Variants in TMEM121B observed in about 807,000 individuals in gnomAD.
TMEM121B encodes the protein cat eye syndrome chromosome region, candidate 6.
In TMEM121B, 14 loss-of-function variants were observed where a neutral mutation model predicts 25.1. The ratio of observed to expected loss-of-function variants is 0.56; its 90% CI spans 0.37 to 0.87. The LOEUF (loss-of-function observed/expected upper bound fraction) is 0.87. Among genes scored for constraint, TMEM121B ranks in the 40% least tolerant of loss-of-function variants. The pLI, the probability that TMEM121B is intolerant of heterozygous loss-of-function variation, is 0.00. For synonymous variants in TMEM121B, 458 were observed against 420.9 expected (o/e 1.09, Z -1.08); for missense variants, 850 against 854.6 (o/e 0.99, Z 0.07).
rs2061479504 is a variant in TMEM121B at position 17,118,391 on chromosome 22, G to T, written c.*1000C>A. 1 of 152,428 alleles carries T rather than the reference G, an allele frequency of 6.6e-6. No homozygotes were observed. The highest frequency in any genetic ancestry group is 2.4e-5 in the African/African-American group (1 of 41,444). The allele number at this position is 152,428 out of a possible 1,614,324, so 9.4% of individuals were successfully genotyped here. A position where few individuals can be genotyped will look rare whatever the true frequency, so the allele number is the denominator to read the frequency against. The stretch of plus-strand genomic sequence containing the variant: ...TTACTCTAAGCCCAGATCCGACCCA[G>T]TCGGCACCAAACCACAGGAAGGATA... On this transcript the variant is annotated 3_prime_UTR_variant, in exon 1 of 1. Transcript: ENST00000331437.
In TMEM121B at chr22:17,120,467, C is replaced by A; in HGVS notation, c.661G>T (p.Ala221Ser). The A allele has an allele frequency of 6.3e-7, 1 of 1,585,850 alleles. No homozygotes were observed. Among genetic ancestry groups the A allele is most frequent in the Non-Finnish European group, 8.5e-7 (1 of 1,169,824 alleles). Residue 221 changes from alanine (A) to serine (S), a missense_variant, in exon 1 of 1, where the codon GCC (alanine) becomes TCC (serine). Ala to Ser is a moderately conservative substitution (Grantham distance 99, BLOSUM62 1). Transcript: ENST00000331437. ...GAGCACCAGTACAGGTCGGTGACGGCGATGAGGTACAGGTCCAGCAGGCCG... is the reference window on the plus strand; with the variant it reads ...GAGCACCAGTACAGGTCGGTGACGGAGATGAGGTACAGGTCCAGCAGGCCG... Reference protein sequence around the residue: ...QGGLLDLYLIAVTDLYWCSWI... With the variant: ...QGGLLDLYLISVTDLYWCSWI...
chr22:17,121,129 G>T lies in TMEM121B; in HGVS notation c.-2C>A. On this transcript the variant is annotated 5_prime_UTR_variant, in exon 1 of 1. Coordinates refer to ENST00000331437, the MANE Select transcript of TMEM121B (RefSeq NM_031890.4). ...AGGGTGGCCGAGCGCCGGGCGCATT[G>T]TCCTCCGAGGGGCTCTGGGGCCGCC... 3.7e-6 allele frequency: 5 copies of T among 1,350,016 alleles called. No individual in the cohort carries two copies. Among genetic ancestry groups the T allele is most frequent in the East Asian group, 3.1e-5 (1 of 31,858 alleles). The allele number at this position is 1,350,016 out of a possible 1,614,324, so 83.6% of individuals were successfully genotyped here. A position where few individuals can be genotyped will look rare whatever the true frequency, so the allele number is the denominator to read the frequency against.
Position 17,120,790 on chromosome 22 carries a change from A to T in TMEM121B, c.338T>A (p.Phe113Tyr). ...GGAGGAGGTGGCCGCTGAGGAGGAG[A>T]AGGCGACAGGCGCGGGGCCGGCGGG... ...GAPAGPAPVA[F>Y]SSSAATSSST... Residue 113 changes from phenylalanine (F) to tyrosine (Y), a missense_variant, in exon 1 of 1, where the codon TTC (phenylalanine) becomes TAC (tyrosine). Transcript: ENST00000331437. The T allele has an allele frequency of 8.2e-7, 1 of 1,220,296 alleles. No individual in the cohort carries two copies. The highest frequency in any genetic ancestry group is 4.4e-5 in the Admixed American group (1 of 22,548). The allele number at this position is 1,220,296 out of a possible 1,614,324, so 75.6% of individuals were successfully genotyped here. A position where few individuals can be genotyped will look rare whatever the true frequency, so the allele number is the denominator to read the frequency against.
Position 17,119,759 on chromosome 22 carries a change from C to A in TMEM121B, c.1369G>T (p.Gly457Cys). The A allele has an allele frequency of 6.4e-7, 1 of 1,560,644 alleles. No individual in the cohort carries two copies. Among genetic ancestry groups the A allele is most frequent in the East Asian group, 2.3e-5 (1 of 42,920 alleles). Residue 457 changes from glycine to cysteine, a missense_variant, in exon 1 of 1, where the codon GGC becomes TGC. Gly to Cys is a radical substitution (Grantham distance 159). Coordinates refer to ENST00000331437, the MANE Select transcript of TMEM121B (RefSeq NM_031890.4). ...CAGCTGCCAGGCCCGGAGGCCTGGC[C>A]CCAGGATGCAGCCGCTGCGGCCGCG... ...NAAAAAAASW[G>C]QASGPGSCSR...
chr22:17,118,029 T>C lies in TMEM121B; in HGVS notation c.*1362A>G, dbSNP rs2061477842. On this transcript the variant is annotated 3_prime_UTR_variant, in exon 1 of 1. Transcript: ENST00000331437. ...TGTTGAGGGTGGAGGGAAGTGAGTA[T>C]TTCCTGGCCTTGTTAGCTGCTGTCC... is the stretch of plus-strand genomic sequence containing the variant. 2.0e-5 allele frequency: 3 copies of C among 152,138 alleles called. No homozygotes were observed. The highest frequency in any genetic ancestry group is 4.1e-4 in the South Asian group (2 of 4,828). The allele number at this position is 152,138 out of a possible 1,614,324, so 9.4% of individuals were successfully genotyped here. A position where few individuals can be genotyped will look rare whatever the true frequency, so the allele number is the denominator to read the frequency against.
At position 17,119,399 on chromosome 22, in the gene TMEM121B, G is replaced by A. The variant is rs2061484126; in HGVS notation, c.1729C>T (p.Gln577Ter). ...ACCCGTGCCCTTCACCCTCAATTCT[G>A]AGAGGCCACAGCCAGGGTGTTGACA... ...GYVNTLAVAS[Q>*]N Residue 577 changes from glutamine to a stop codon, truncating the protein, a stop_gained, in exon 1 of 1, where the codon CAG becomes TAG. Transcript: ENST00000331437. LOFTEE classifies it high-confidence loss of function. 1.3e-6 allele frequency: 2 copies of A among 1,598,382 alleles called. No individual in the cohort carries two copies. The highest frequency in any genetic ancestry group is 1.7e-6 in the Non-Finnish European group (2 of 1,172,872).
chr22:17,119,862 C>G lies in TMEM121B; in HGVS notation c.1266G>C (p.Ala422=), dbSNP rs1275914455. The change falls in exon 1 of 1, where the codon GCG becomes GCC. Residue 422 remains alanine, a synonymous_variant. Transcript: ENST00000331437. ...LMLEGRVPLP[A]HLRYLLIAVY... ...CGGCGATAAGCAGGTAGCGCAGGTG[C>G]GCGGGCAGCGGCACGCGGCCCTCCA... 6.3e-7 allele frequency: 1 copy of G among 1,577,348 alleles called. No homozygotes were observed. The highest frequency in any genetic ancestry group is 1.3e-5 in the African/African-American group (1 of 74,680).
Position 17,119,712 on chromosome 22 carries a change from C to G in TMEM121B, c.1416G>C (p.Leu472=), listed in dbSNP as rs1486415138. The G allele has an allele frequency of 6.5e-7, 1 of 1,542,444 alleles. No individual in the cohort carries two copies. Among genetic ancestry groups the G allele is most frequent in the Admixed American group, 1.9e-5 (1 of 51,408 alleles). The change falls in exon 1 of 1, where the codon CTG becomes CTC. Residue 472 remains leucine, a synonymous_variant. Transcript: ENST00000331437. ...PGSCSRLLRL[L]GGCLVDVPLL... ...AGGGCACGTCCACCAGGCAGCCGCC[C>G]AGCAGGCGCAGAAGGCGGCTGCAGC...
Position 17,120,392 on chromosome 22 carries a change from C to A in TMEM121B, c.736G>T (p.Ala246Ser). Residue 246 changes from alanine to serine, a missense_variant, in exon 1 of 1, where the codon GCC (alanine) becomes TCC (serine). Physicochemically the swap from Ala to Ser is moderately conservative, Grantham distance 99. Coordinates refer to ENST00000331437, the MANE Select transcript of TMEM121B (RefSeq NM_031890.4). The part of the protein sequence containing the change: ...VVVVGWAIFF[A>S]KNSRGRRGGA... Reference sequence around the variant, plus strand: ...CCCCGACGGCCCCGGCTGTTCTTGGCGAAGAAGATGGCCCAGCCCACCACC... The same window carrying A: ...CCCCGACGGCCCCGGCTGTTCTTGGAGAAGAAGATGGCCCAGCCCACCACC... 6 of 1,560,568 alleles carry A rather than the reference C, an allele frequency of 3.8e-6. No individual in the cohort carries two copies. The highest frequency in any genetic ancestry group is 5.2e-6 in the Non-Finnish European group (6 of 1,160,414).
rs538989257 is a variant in TMEM121B, at chr22:17,120,156, G to A, written c.972C>T (p.Ala324=). The A allele has an allele frequency of 3.9e-4, 620 of 1,609,548 alleles. 13 individuals carry two copies. In the South Asian group the frequency reaches 5.6e-3, roughly 15 times the overall value. The change falls in exon 1 of 1, where the codon GCC becomes GCT. Residue 324 remains alanine, a synonymous_variant. Coordinates refer to ENST00000331437, the MANE Select transcript of TMEM121B (RefSeq NM_031890.4). ...AYLAWLIYSI[A]FTPKVVLILG... ...GGATCAGCACCACCTTGGGAGTGAA[G>A]GCGATGGAGTAGATAAGCCAGGCCA... is the stretch of plus-strand genomic sequence containing the variant.
Position 17,117,994 on chromosome 22 carries a change from C to G in TMEM121B, c.*1397G>C, listed in dbSNP as rs1282118652. On this transcript the variant is annotated 3_prime_UTR_variant, in exon 1 of 1. Coordinates refer to ENST00000331437, the MANE Select transcript of TMEM121B (RefSeq NM_031890.4). ...ACAAAAATTCTTCAAGTTTCACCCCCACCACATCCTGTTGAGGGTGGAGGG... is the reference window on the plus strand; with the variant it reads ...ACAAAAATTCTTCAAGTTTCACCCCGACCACATCCTGTTGAGGGTGGAGGG... The G allele has an allele frequency of 2.0e-5, 3 of 152,164 alleles. No individual in the cohort carries two copies. Among genetic ancestry groups the G allele is most frequent in the Non-Finnish European group, 4.4e-5 (3 of 68,018 alleles). 9.4% of individuals were successfully genotyped at this position (152,164 alleles called of 1,614,324 possible). A position where few individuals can be genotyped will look rare whatever the true frequency, so the allele number is the denominator to read the frequency against.
chr22:17,117,804 A>C lies in TMEM121B; in HGVS notation c.*1587T>G, dbSNP rs755388018. ...CTTCAACCTTAGAGATCACTCATCTAACTTCTACTTTTTTAATGTGAGAAA... is the reference window on the plus strand; with the variant it reads ...CTTCAACCTTAGAGATCACTCATCTCACTTCTACTTTTTTAATGTGAGAAA... On this transcript the variant is annotated 3_prime_UTR_variant, in exon 1 of 1. Coordinates refer to ENST00000331437, the MANE Select transcript of TMEM121B (RefSeq NM_031890.4). 3.3e-5 allele frequency: 5 copies of C among 152,208 alleles called. No homozygotes were observed. Among genetic ancestry groups the C allele is most frequent in the Non-Finnish European group, 7.3e-5 (5 of 68,032 alleles). The allele number at this position is 152,208 out of a possible 1,614,324, so 9.4% of individuals were successfully genotyped here.
chr22:17,119,971 T>A lies in TMEM121B; in HGVS notation c.1157A>T (p.Gln386Leu). ...TCCGGCCGCGCGGTGCCGCTGGGGCTGCAGCAGCAGGGGTCCTGCCGATCC... is the reference window on the plus strand; with the variant it reads ...TCCGGCCGCGCGGTGCCGCTGGGGCAGCAGCAGCAGGGGTCCTGCCGATCC... ...PPGSAGPLLLQPQRHRAAGCF... is the reference protein window; with the variant it reads ...PPGSAGPLLLLPQRHRAAGCF... The change falls in exon 1 of 1, where the codon CAG becomes CTG. Residue 386 changes from glutamine (Q) to leucine (L), a missense_variant. Gln to Leu is a moderately radical substitution (Grantham distance 113). Coordinates refer to ENST00000331437, the MANE Select transcript of TMEM121B (RefSeq NM_031890.4). 2 of 1,587,194 alleles carry A rather than the reference T, an allele frequency of 1.3e-6. No homozygotes were observed. The highest frequency in any genetic ancestry group is 1.1e-5 in the South Asian group (1 of 89,518).
At position 17,121,300 on chromosome 22, in the gene TMEM121B, A is replaced by AGCCGG. The variant is rs1601361808; in HGVS notation, c.-178_-174dup. On this transcript the variant is annotated 5_prime_UTR_variant, in exon 1 of 1. Transcript: ENST00000331437. ...CGGACTGGAGCCACTGGACTGGGCG[A>AGCCGG]GCCGGGCCGGGCGGCAGGGAGAGGG... 2.2e-6 allele frequency: 1 copy of AGCCGG among 454,836 alleles called. No individual in the cohort carries two copies. The highest frequency in any genetic ancestry group is 3.2e-6 in the Non-Finnish European group (1 of 314,448). 28.2% of individuals were successfully genotyped at this position (454,836 alleles called of 1,614,324 possible). A position where few individuals can be genotyped will look rare whatever the true frequency, so the allele number is the denominator to read the frequency against.
chr22:17,119,601 G>A lies in TMEM121B; in HGVS notation c.1527C>T (p.Cys509=). The change falls in exon 1 of 1, where the codon TGC becomes TGT. Residue 509 remains cysteine, a synonymous_variant. Transcript: ENST00000331437. ...AGCCCTCCAGGGCCTCCAGGCCCCG[G>A]CAGCCGAGGAAGAAGAGGTTCTTGA... ...FMLKNLFFLG[C]RGLEALEGCW... is the part of the protein sequence containing the mutation. 6.5e-7 allele frequency: 1 copy of A among 1,544,736 alleles called. No individual in the cohort carries two copies. Among genetic ancestry groups the A allele is most frequent in the Non-Finnish European group, 8.7e-7 (1 of 1,148,544 alleles).
Position 17,117,346 on chromosome 22 carries a change from A to T in TMEM121B, c.*2045T>A, listed in dbSNP as rs1241599151. 2 of 152,764 alleles carry T rather than the reference A, an allele frequency of 1.3e-5. No homozygotes were observed. The highest frequency in any genetic ancestry group is 2.9e-5 in the Non-Finnish European group (2 of 68,108). 9.5% of individuals were successfully genotyped at this position (152,764 alleles called of 1,614,324 possible). ...GAAGCACAGATTGTGCATGGAGTGT[A>T]AACATTTTCCCCCGCTGTTCCCTGC... On this transcript the variant is annotated 3_prime_UTR_variant, in exon 1 of 1. Transcript: ENST00000331437.
Position 17,120,889 on chromosome 22 carries a change from T to A in TMEM121B, c.239A>T (p.Asp80Val). 1 of 1,389,914 alleles carries A rather than the reference T, an allele frequency of 7.2e-7. No homozygotes were observed. The highest frequency in any genetic ancestry group is 9.3e-7 in the Non-Finnish European group (1 of 1,072,830). The allele number at this position is 1,389,914 out of a possible 1,614,324, so 86.1% of individuals were successfully genotyped here. Reference protein sequence around the residue: ...SSTGAEREDDDESLSVSKPLV... With the variant: ...SSTGAEREDDVESLSVSKPLV... The stretch of plus-strand genomic sequence containing the variant: ...CGGCTTGCTGACGCTGAGGCTCTCG[T>A]CGTCGTCCTCGCGCTCGGCGCCCGT... The change falls in exon 1 of 1, where the codon GAC (aspartate) becomes GTC (valine). Residue 80 changes from aspartate (D) to valine (V), a missense_variant. By Grantham distance (152) the Asp-to-Val change is radical (BLOSUM62 -3). Coordinates refer to ENST00000331437, the MANE Select transcript of TMEM121B (RefSeq NM_031890.4).
chr22:17,120,789 G>A lies in TMEM121B; in HGVS notation c.339C>T (p.Phe113=). 2 of 1,237,150 alleles carry A rather than the reference G, an allele frequency of 1.6e-6. No individual in the cohort carries two copies. Among genetic ancestry groups the A allele is most frequent in the Admixed American group, 4.3e-5 (1 of 23,170 alleles). The allele number at this position is 1,237,150 out of a possible 1,614,324, so 76.6% of individuals were successfully genotyped here. A position where few individuals can be genotyped will look rare whatever the true frequency, so the allele number is the denominator to read the frequency against. The part of the protein sequence containing the change: ...GAPAGPAPVA[F]SSSAATSSST... ...AGGAGGAGGTGGCCGCTGAGGAGGA[G>A]AAGGCGACAGGCGCGGGGCCGGCGG... The change falls in exon 1 of 1, where the codon TTC becomes TTT. Residue 113 remains phenylalanine, a synonymous_variant. Transcript: ENST00000331437.
chr22:17,120,260 C>T lies in TMEM121B; in HGVS notation c.868G>A (p.Gly290Arg), dbSNP rs1041266243. ...GCGCCGCCGGCGCCCCCGCGGGCTC[C>T]GCGTGCCTTGGCCCCAGCGGTAGCG... is the stretch of plus-strand genomic sequence containing the variant. ...SAATAGAKAR[G>R]ARGGAGGAGG... The change falls in exon 1 of 1, where the codon GGA (glycine) becomes AGA (arginine). Residue 290 changes from glycine (G) to arginine (R), a missense_variant. Gly to Arg is a moderately radical substitution (Grantham distance 125). Coordinates refer to ENST00000331437, the MANE Select transcript of TMEM121B (RefSeq NM_031890.4). The T allele has an allele frequency of 3.2e-6, 4 of 1,244,244 alleles. No homozygotes were observed. Among genetic ancestry groups the T allele is most frequent in the African/African-American group, 3.1e-5 (2 of 63,622 alleles). 77.1% of individuals were successfully genotyped at this position (1,244,244 alleles called of 1,614,324 possible).
Sources: gnomAD v4.1 joint callset for allele counts on GRCh38, gnomAD v4.1.1 for gene constraint, MANE v1.5 for transcripts, NCBI Gene and HGNC (gene_info 2026-07-23, HGNC 2026-07-21) for gene names.